Variants in ABCC8 observed in about 807,000 individuals in gnomAD.
ABCC8 encodes ATP-binding cassette sub-family C member 8.
In ABCC8, 137 loss-of-function variants were observed where a neutral mutation model predicts 188.0. The observed-to-expected ratio is 0.73, with a 90% CI of 0.63 to 0.84. The LOEUF is 0.84. ABCC8 is among the 40% of genes least tolerant of loss of function. The pLI is 0.00. For synonymous variants in ABCC8, 797 were observed against 846.5 expected, an observed-to-expected ratio of 0.94 and a Z score of 1.01; for missense variants, 1,750 against 2,072.7, an observed-to-expected ratio of 0.84 and a Z score of 3.02.
intron 3 of ABCC8, among the ~76,000 whole-genome samples, chr11:17,467,380 T>A (rs1021481951): frequency 5.9e-5 from 9 of 152,232 alleles, no homozygotes; most frequent in African/African-American, 2.2e-4. Context: ...GTGGTGCCAC[T>A]GCACTCCAGC....
intron 20 of ABCC8, chr11:17,412,975 C>T: frequency 1.1e-6 from 1 of 878,294 alleles, no homozygotes; most frequent in Non-Finnish European, 1.7e-6. Flanking sequence ...CGCTAGGGAC[C>T]ATCTGACCAG....
At chr11:17,475,682 T>C (rs1848723972) in intron 1 of ABCC8, among the ~76,000 whole-genome samples, 1 of 152,264 alleles carries the variant, frequency 6.6e-6, no homozygotes. Flanking sequence ...TATCTAACTG[T>C]CTTTGTTAAT....
At position 17,413,468 on chromosome 11, in the gene ABCC8, C is replaced by T; in HGVS notation, c.2401G>A (p.Val801Ile). The change falls in exon 20 of 39, where the codon GTC becomes ATC. Residue 801 changes from valine (V) to isoleucine (I), a missense_variant. Physicochemically the swap from Val to Ile is conservative, Grantham distance 29 (BLOSUM62 3). Coordinates refer to ENST00000389817, the MANE Select transcript of ABCC8 (RefSeq NM_000352.6). ...SPFNKQRYKM[V>I]IEACSLQPDI... ...GGCTGCAGAGAGCAGGCTTCAATGA[C>T]CATCTTGTACCTGGCGTGGGTAGAG... The T allele has an allele frequency of 6.2e-7, 1 of 1,613,990 alleles. No homozygotes were observed. The highest frequency in any genetic ancestry group is 8.5e-7 in the Non-Finnish European group (1 of 1,180,032).
At chr11:17,424,376 G>C (rs1955489613) in intron 16 of ABCC8, among the ~76,000 whole-genome samples, 2 of 152,182 alleles carry the variant, frequency 1.3e-5, no homozygotes, top group South Asian at 4.2e-4. Context: ...CCTTGGAGAG[G>C]CTCCTTGTGT....
chr11:17,450,260 C>CTCTTTCTTTCTTTCTTTCTTTCTT (rs58452277), intron 7 of ABCC8, among the ~76,000 whole-genome samples: 5 of 67,664 alleles, frequency 7.4e-5, no homozygotes, highest in Admixed American at 3.1e-4. Context: ...TTCTTTCTTT[C>CTCTTTCTTTCTTTCTTTCTTTCTT]TCTTTCTTTC....
intron 29 of ABCC8, among the ~76,000 whole-genome samples, chr11:17,401,620 A>C (rs1452128766): frequency 6.6e-6 from 1 of 152,174 alleles, no homozygotes; most frequent in Non-Finnish European, 1.5e-5. Flanking sequence ...TACTTCGTGC[A>C]GCTGTGCCAC....
At chr11:17,393,862 G>A in intron 37 of ABCC8, 103 bp from the exon 38 acceptor site, 1 of 1,610,268 alleles carries the variant, frequency 6.2e-7, no homozygotes, top group Non-Finnish European at 8.5e-7. Context: ...GCTCCCATCT[G>A]ACCCCGATCC....
intron 10 of ABCC8, among the ~76,000 whole-genome samples, chr11:17,435,054 A>T (rs1956024146): frequency 6.6e-6 from 1 of 151,390 alleles, no homozygotes; most frequent in Non-Finnish European, 1.5e-5. Flanking sequence ...AATATGTTCA[A>T]TGATAATTTT....
At chr11:17,459,768 G>A (rs1226632748) in intron 6 of ABCC8, among the ~76,000 whole-genome samples, 1 of 152,190 alleles carries the variant, frequency 6.6e-6, no homozygotes, top group African/African-American at 2.4e-5. Flanking sequence ...CCCCCGAAGT[G>A]GATGCTACGG....
chr11:17,416,685 A>G (rs988502512), intron 17 of ABCC8, among the ~76,000 whole-genome samples: 4 of 152,168 alleles, frequency 2.6e-5, no homozygotes, highest in Non-Finnish European at 5.9e-5. Flanking sequence ...AGCACCACAG[A>G]TATACTGGCA....
chr11:17,472,305 T>A (rs1402941254), intron 2 of ABCC8, among the ~76,000 whole-genome samples: 2 of 152,228 alleles, frequency 1.3e-5, no homozygotes, highest in Admixed American at 6.5e-5. Flanking sequence ...TATGGTGGTC[T>A]GGGAAAATAT....
chr11:17,433,059 C>T (rs777918371), intron 10 of ABCC8, among the ~76,000 whole-genome samples: 1 of 152,180 alleles, frequency 6.6e-6, no homozygotes, highest in Non-Finnish European at 1.5e-5. Flanking sequence ...CTGTGAGCCC[C>T]AGGTGCTGCC....
At chr11:17,463,745 C>T (rs373357299) in intron 3 of ABCC8, 141 bp from the exon 4 acceptor site, 31 of 1,064,452 alleles carry the variant, frequency 2.9e-5, no homozygotes, top group African/African-American at 1.7e-4. Flanking sequence ...TGGATGTGCA[C>T]GTGTGAATAT....
At position 17,441,631 on chromosome 11, in the gene ABCC8, G is replaced by A. The variant is rs72866888; in HGVS notation, c.1630+1089C>T. Among the ~76,000 whole-genome samples the A allele has an allele frequency of 8.2e-3, 1,247 of 152,240 alleles. 6 individuals are homozygous for A. The highest frequency in any genetic ancestry group is 0.012 in the Non-Finnish European group (818 of 68,032). On this transcript the variant is annotated intron_variant, in intron 10 of 38. Coordinates refer to ENST00000389817, the MANE Select transcript of ABCC8 (RefSeq NM_000352.6). ...TACATCCCAATTATGCACTTGGGAA[G>A]TAACCACCATGGGATGGGTCCACGG... is the stretch of plus-strand genomic sequence containing the variant.
chr11:17,427,341 C>T lies in ABCC8; in HGVS notation c.2117-187G>A. ...TCTGGAAATCAACATCCTCCTCTGG[C>T]TCCCCAGGTCCTTCCCCCTCTCTGA... On this transcript the variant is annotated intron_variant, in intron 15 of 38. Transcript: ENST00000389817. The surrounding 1 kb of genome is among the most constrained non-coding windows in gnomAD (Gnocchi z 5.0). 1 of 732,082 alleles carries T rather than the reference C, an allele frequency of 1.4e-6. No individual in the cohort carries two copies. Among genetic ancestry groups the T allele is most frequent in the Non-Finnish European group, 1.7e-6 (1 of 598,850 alleles). The allele number at this position is 732,082 out of a possible 1,614,324, so 45.3% of individuals were successfully genotyped here. A position where few individuals can be genotyped will look rare whatever the true frequency, so the allele number is the denominator to read the frequency against.
At chr11:17,423,082 G>T (rs1287582621) in intron 16 of ABCC8, among the ~76,000 whole-genome samples, 1 of 152,066 alleles carries the variant, frequency 6.6e-6, no homozygotes, top group Non-Finnish European at 1.5e-5. Flanking sequence ...GGGCCGGCCA[G>T]GGGTGGTGGC....
chr11:17,474,960 G>T lies in ABCC8; in HGVS notation c.216C>A (p.Asn72Lys). Residue 72 changes from asparagine (N) to lysine (K), a missense_variant, in exon 2 of 39, where the codon AAC becomes AAA. Asn to Lys is a moderately conservative substitution (Grantham distance 94, BLOSUM62 0). Transcript: ENST00000389817. Reference sequence around the variant, plus strand: ...GCATGAAGGTCAGGATCCACCGCAGGTTGTGCCCAGGGAAATGAAGCCATG... The same window carrying T: ...GCATGAAGGTCAGGATCCACCGCAGTTTGTGCCCAGGGAAATGAAGCCATG... ...HSTWLHFPGH[N>K]LRWILTFMLL... 6.2e-7 allele frequency: 1 copy of T among 1,614,188 alleles called. No homozygotes were observed. Among genetic ancestry groups the T allele is most frequent in the Non-Finnish European group, 8.5e-7 (1 of 1,180,032 alleles).
At chr11:17,417,355 G>GC (rs1955131469) in intron 16 of ABCC8, among the ~76,000 whole-genome samples, 1 of 152,128 alleles carries the variant, frequency 6.6e-6, no homozygotes, top group East Asian at 1.9e-4. Flanking sequence ...TAAGTAGGCG[G>GC]CAAGTGCATT....
Position 17,405,477 on chromosome 11 carries a change from G to A in ABCC8, c.3399+17C>T, listed in dbSNP as rs200960669. On this transcript the variant is annotated intron_variant, in intron 27 of 38. Coordinates refer to ENST00000389817, the MANE Select transcript of ABCC8 (RefSeq NM_000352.6). Reference sequence around the variant, plus strand: ...GTGTCTCTGGAAGGGGGGATAGTGTGGCACGGTCCTCTGTACCTGGTCGAT... The same window carrying A: ...GTGTCTCTGGAAGGGGGGATAGTGTAGCACGGTCCTCTGTACCTGGTCGAT... The A allele has an allele frequency of 6.2e-7, 1 of 1,614,170 alleles. No homozygotes were observed. The highest frequency in any genetic ancestry group is 1.3e-5 in the African/African-American group (1 of 75,058).
Sources: allele counts gnomAD v4.1 joint callset (sites outside exome capture counted in the v4.1 genomes callset), GRCh38; gene constraint gnomAD v4.1.1; non-coding constraint Gnocchi (gnomAD v3.1); transcripts MANE v1.5; gene names NCBI Gene and HGNC (gene_info 2026-07-23, HGNC 2026-07-21).